The following PCDH15 variants were observed in gnomAD, a reference collection of about 807,000 sequenced individuals.
PCDH15 encodes the protein protocadherin related 15, also known as protocadherin-15.
A neutral mutation model predicts 178.5 loss-of-function variants in PCDH15; 129 were observed. The ratio of observed to expected loss-of-function variants is 0.72; its 90% CI spans 0.63 to 0.84. The LOEUF (loss-of-function observed/expected upper bound fraction) is 0.84. Among genes scored for constraint, PCDH15 ranks in the 40% least tolerant of loss-of-function variants. The pLI is 0.00. For missense variants in PCDH15, 2,230 were observed against 2,099.9 expected, an observed-to-expected ratio of 1.06 and a Z score of -1.21; for synonymous variants, 800 against 732.0, an observed-to-expected ratio of 1.09 and a Z score of -1.50.
At chr10:54,310,150 T>A (rs1282169284) in intron 8 of PCDH15, among the ~76,000 whole-genome samples, 4 of 151,978 alleles carry the variant, frequency 2.6e-5, no homozygotes, top group Non-Finnish European at 5.9e-5. Flanking sequence ...TTAGAAGAGA[T>A]GAGACTGGAA....
chr10:54,253,708 C>T (rs536003068), intron 8 of PCDH15, among the ~76,000 whole-genome samples: 27 of 152,042 alleles, frequency 1.8e-4, no homozygotes, highest in African/African-American at 6.5e-4. Context: ...AATTTTGTCA[C>T]CTTACTATAT....
At chr10:53,937,994 C>G (rs1260245904) in intron 25 of PCDH15, among the ~76,000 whole-genome samples, 1 of 152,068 alleles carries the variant, frequency 6.6e-6, no homozygotes, top group Non-Finnish European at 1.5e-5. Context: ...TATCTTGAGT[C>G]TTCTAGATTT....
At chr10:54,208,839 G>T (rs1183566630) in intron 10 of PCDH15, among the ~76,000 whole-genome samples, 1 of 151,916 alleles carries the variant, frequency 6.6e-6, no homozygotes, top group Non-Finnish European at 1.5e-5. Context: ...GTCATTTGTA[G>T]CATTTGTCTT....
rs956130250 is a variant in PCDH15 at position 54,936,699 on chromosome 10, T to A, written c.-79-39199A>T. 1.0e-3 allele frequency among the ~76,000 whole-genome samples: 151 copies of A among 150,324 alleles called. 1 individual carries two copies. Among genetic ancestry groups the A allele is most frequent in the Admixed American group, 3.2e-3 (47 of 14,852 alleles). On this transcript the variant is annotated intron_variant, in intron 2 of 5. Transcript: ENST00000458638. ...TTCATAGGAATAGTGTCTATTACTT[T>A]TTTGCACATTTTTATTGTTTTTTTT...
chr10:54,315,378 G>A (rs894011111), intron 8 of PCDH15, among the ~76,000 whole-genome samples: 1 of 137,850 alleles, frequency 7.3e-6, no homozygotes, highest in Non-Finnish European at 1.7e-5. Flanking sequence ...ACTTTTTGAT[G>A]TTTTTATTTA....
intron 35 of PCDH15, among the ~76,000 whole-genome samples, chr10:53,814,672 T>A (rs537386185): frequency 4.0e-5 from 6 of 151,858 alleles, no homozygotes; most frequent in South Asian, 2.1e-4. Context: ...TAAAAAAAAA[T>A]TTGAGGAAAG....
chr10:55,523,831 T>G (rs1463083275), intron 2 of PCDH15, among the ~76,000 whole-genome samples: 1 of 151,586 alleles, frequency 6.6e-6, no homozygotes, highest in East Asian at 1.9e-4. Flanking sequence ...CATGCTCAAT[T>G]GCATTTTTTC....
At chr10:54,284,823 A>G (rs961825457) in intron 8 of PCDH15, among the ~76,000 whole-genome samples, 2 of 152,160 alleles carry the variant, frequency 1.3e-5, no homozygotes, top group African/African-American at 4.8e-5. Context: ...AAGAGAGAGT[A>G]AAAAATTAAT....
At chr10:54,862,694 A>G (rs1953865134) in intron 3 of PCDH15, among the ~76,000 whole-genome samples, 1 of 152,152 alleles carries the variant, frequency 6.6e-6, no homozygotes, top group Non-Finnish European at 1.5e-5. Flanking sequence ...AGGTCATTTA[A>G]AACAGCCTGG....
chr10:55,030,341 ATCTG>A (rs1474470226), intron 2 of PCDH15, among the ~76,000 whole-genome samples: 2 of 152,274 alleles, frequency 1.3e-5, no homozygotes. Context: ...TCCTCAAATC[ATCTG>A]TCTGTTTGAT....
chr10:55,339,014 T>C (rs78112587), intron 2 of PCDH15, among the ~76,000 whole-genome samples: 17,107 of 152,092 alleles, frequency 0.11, 1,123 homozygotes, highest in East Asian at 0.26. Context: ...GGGGTAAAGA[T>C]AGGATGGCTA....
At chr10:53,914,622 G>C (rs1274387811) in intron 25 of PCDH15, among the ~76,000 whole-genome samples, 1 of 152,128 alleles carries the variant, frequency 6.6e-6, no homozygotes. Flanking sequence ...TGTGGAGTTG[G>C]GGGCTGGCGG....
At chr10:54,153,403 AG>A in intron 13 of PCDH15, 110 bp from the exon 14 acceptor site, 2 of 1,219,476 alleles carry the variant, frequency 1.6e-6, no homozygotes, top group Non-Finnish European at 2.4e-6. Context: ...AACACAGGAA[AG>A]TTTCCTTGAC....
At chr10:54,314,318 T>C (rs1412089361) in intron 8 of PCDH15, among the ~76,000 whole-genome samples, 2 of 152,104 alleles carry the variant, frequency 1.3e-5, no homozygotes, top group Non-Finnish European at 2.9e-5. Context: ...ACCAGCCCAA[T>C]ATACTTGATC....
chr10:53,913,357 T>C (rs1357990847), intron 25 of PCDH15, among the ~76,000 whole-genome samples: 1 of 152,068 alleles, frequency 6.6e-6, no homozygotes, highest in Non-Finnish European at 1.5e-5. Flanking sequence ...ACCTAGGCAA[T>C]ACCACTGAGG....
At chr10:54,288,699 C>A (rs1014569410) in intron 8 of PCDH15, among the ~76,000 whole-genome samples, 2 of 152,230 alleles carry the variant, frequency 1.3e-5, no homozygotes, top group African/African-American at 4.8e-5. Flanking sequence ...AACTGGCAGA[C>A]AAAGAGATTC....
chr10:54,618,213 C>T (rs7099733), intron 2 of PCDH15, among the ~76,000 whole-genome samples: 5,763 of 152,034 alleles, frequency 0.038, 337 homozygotes, highest in African/African-American at 0.13. Context: ...TTCAAATGCA[C>T]CTATTAAAAT....
intron 3 of PCDH15, among the ~76,000 whole-genome samples, chr10:54,380,643 GTATATATATATATATA>G (rs59953769): frequency 6.5e-5 from 1 of 15,294 alleles, no homozygotes; most frequent in Non-Finnish European, 1.5e-4. Context: ...GTGTATGCAT[GTATATATATATATATA>G]TATATATATA....
rs1198518999 is a variant in PCDH15 at position 54,923,630 on chromosome 10, A to G, written c.-79-26130T>C. On this transcript the variant is annotated intron_variant, in intron 2 of 5. Transcript: ENST00000458638. ...AAATTTCTGCCATCAGATACCCTAGATTATCTCTCTCAAGTTCAAAGTTCC... is the reference window on the plus strand; with the variant it reads ...AAATTTCTGCCATCAGATACCCTAGGTTATCTCTCTCAAGTTCAAAGTTCC... Among the ~76,000 whole-genome samples the G allele has an allele frequency of 1.5e-5, 2 of 137,930 alleles. 1 individual carries two copies. Among genetic ancestry groups the G allele is most frequent in the Non-Finnish European group, 3.4e-5 (2 of 59,334 alleles). The allele number at this position is 137,930 out of a possible 152,430, so 90.5% of individuals were successfully genotyped here.
Sources: gnomAD v4.1 joint callset for allele counts (sites outside exome capture counted in the v4.1 genomes callset) on GRCh38, gnomAD v4.1.1 for gene constraint, MANE v1.5 for transcripts, NCBI Gene and HGNC (gene_info 2026-07-23, HGNC 2026-07-21) for gene names.